The following RPH3A variants were observed in gnomAD, a reference collection of about 807,000 sequenced individuals.
RPH3A encodes the protein rabphilin 3A.
RPH3A carries 48 observed loss-of-function variants against 102.2 expected under a neutral mutation model. The observed-to-expected ratio is 0.47, with a 90% CI of 0.37 to 0.60. RPH3A has a LOEUF of 0.60. RPH3A is among the 20% of genes least tolerant of loss of function. RPH3A has a pLI of 0.00. For synonymous variants in RPH3A, 310 were observed against 324.3 expected, an observed-to-expected ratio of 0.96 and a Z score of 0.47; for missense variants, 781 against 910.1, an observed-to-expected ratio of 0.86 and a Z score of 1.83.
chr12:112,747,234 G>A (rs963705814), intron 1 of RPH3A, among the ~76,000 whole-genome samples: 3 of 152,120 alleles, frequency 2.0e-5, no homozygotes, highest in African/African-American at 7.2e-5. Context: ...CTTTTGGGAG[G>A]TGGTTAGGTC....
chr12:112,877,112 T>C (rs943514495), intron 13 of RPH3A, among the ~76,000 whole-genome samples: 1 of 152,162 alleles, frequency 6.6e-6, no homozygotes, highest in African/African-American at 2.4e-5. Flanking sequence ...ACATCAATGG[T>C]ACCATGTAAA....
At chr12:112,582,125 C>CT (rs2039405028) in intron 1 of RPH3A, among the ~76,000 whole-genome samples, 1 of 147,682 alleles carries the variant, frequency 6.8e-6, no homozygotes, top group Non-Finnish European at 1.5e-5. Context: ...TTTTCTTTGT[C>CT]TTTTTTTGAT....
At chr12:112,755,411 C>CTTTA (rs1343946649) in intron 1 of RPH3A, among the ~76,000 whole-genome samples, 13 of 151,650 alleles carry the variant, frequency 8.6e-5, no homozygotes, top group African/African-American at 3.2e-4. Context: ...GGCCCTAATC[C>CTTTA]TTTACTCTCT....
At chr12:112,821,697 T>A (rs934309652) in intron 2 of RPH3A, among the ~76,000 whole-genome samples, 3 of 152,216 alleles carry the variant, frequency 2.0e-5, no homozygotes, top group African/African-American at 7.2e-5. Context: ...CTTTTATTTT[T>A]CTCTAAAGCA....
chr12:112,835,335 C>T (rs554909905), intron 3 of RPH3A, among the ~76,000 whole-genome samples: 1 of 152,190 alleles, frequency 6.6e-6, no homozygotes. Flanking sequence ...TAAACAGTTG[C>T]CTGAAGGGTG....
chr12:112,673,787 T>C (rs972414480), intron 1 of RPH3A, among the ~76,000 whole-genome samples: 2 of 151,304 alleles, frequency 1.3e-5, no homozygotes, highest in African/African-American at 2.4e-5. Context: ...ATTCTTTCTA[T>C]TTTTTTTTGT....
chr12:112,767,284 G>C (rs2040896895), intron 1 of RPH3A, among the ~76,000 whole-genome samples: 1 of 152,104 alleles, frequency 6.6e-6, no homozygotes, highest in South Asian at 2.1e-4. Flanking sequence ...GGTCAGCTGT[G>C]GGGAGGGCAA....
At chr12:112,734,631 G>A (rs945200118) in intron 1 of RPH3A, among the ~76,000 whole-genome samples, 2 of 152,212 alleles carry the variant, frequency 1.3e-5, no homozygotes, top group African/African-American at 4.8e-5. Flanking sequence ...CTGGACTCAG[G>A]ATATTTATTT....
chr12:112,875,042 T>C (rs1269858774), intron 10 of RPH3A, 42 bp from the exon 11 acceptor site: 8 of 1,513,956 alleles, frequency 5.3e-6, no homozygotes, highest in Non-Finnish European at 7.2e-6. Context: ...TGTGTGTGTG[T>C]GTGTGACACA....
intron 1 of RPH3A, among the ~76,000 whole-genome samples, chr12:112,769,806 C>T (rs771303765): frequency 6.6e-6 from 1 of 152,126 alleles, no homozygotes; most frequent in Non-Finnish European, 1.5e-5. Context: ...TTTGTGATCA[C>T]ACAAGTAATA....
rs765118729 is a variant in RPH3A, at chr12:112,713,002, TTCC to T, written c.-139-79138_-139-79136del. On this transcript the variant is annotated intron_variant, in intron 1 of 21. Transcript: ENST00000543106. Reference sequence around the variant, plus strand: ...CTTCTTCGTCGTCTTTGTCTTCCTCTTCCTCTTCCTCTTCCTCTTCCTCTTCTT... The same window carrying T: ...CTTCTTCGTCGTCTTTGTCTTCCTCTTCTTCCTCTTCCTCTTCCTCTTCTT... Among the ~76,000 whole-genome samples the T allele has an allele frequency of 9.5e-4, 83 of 87,368 alleles. 5 individuals are homozygous for T. Among genetic ancestry groups the T allele is most frequent in the African/African-American group, 2.4e-3 (48 of 19,834 alleles). 57.3% of individuals were successfully genotyped at this position (87,368 alleles called of 152,430 possible). A position where few individuals can be genotyped will look rare whatever the true frequency, so the allele number is the denominator to read the frequency against.
intron 1 of RPH3A, among the ~76,000 whole-genome samples, chr12:112,633,680 A>G (rs2039824558): frequency 1.3e-5 from 2 of 152,298 alleles, no homozygotes; most frequent in Non-Finnish European, 2.9e-5. Context: ...TACATCACCT[A>G]GTTTCAAGTA....
At chr12:112,810,871 A>G (rs1455514578) in intron 2 of RPH3A, among the ~76,000 whole-genome samples, 1 of 152,184 alleles carries the variant, frequency 6.6e-6, no homozygotes, top group Non-Finnish European at 1.5e-5. Context: ...CTAGTACTGC[A>G]TACATTTGTA....
intron 2 of RPH3A, among the ~76,000 whole-genome samples, chr12:112,799,479 G>A (rs879835067): frequency 2.0e-5 from 3 of 152,266 alleles, no homozygotes; most frequent in Admixed American, 2.0e-4. Flanking sequence ...CCAAATGCTT[G>A]GAATTTTGTA....
At chr12:112,670,003 G>A (rs2040115989) in intron 1 of RPH3A, among the ~76,000 whole-genome samples, 1 of 152,100 alleles carries the variant, frequency 6.6e-6, no homozygotes, top group Non-Finnish European at 1.5e-5. Context: ...TAGTGTCCAT[G>A]TTTGATATAT....
Position 112,897,084 on chromosome 12 carries a change from A to T in RPH3A, c.*304A>T. 3.1e-6 allele frequency: 1 copy of T among 323,010 alleles called. No homozygotes were observed. Among genetic ancestry groups the T allele is most frequent in the Admixed American group, 4.0e-5 (1 of 25,250 alleles). The allele number at this position is 323,010 out of a possible 1,614,324, so 20.0% of individuals were successfully genotyped here. On this transcript the variant is annotated 3_prime_UTR_variant, in exon 22 of 22. Transcript: ENST00000389385. ...AATAACCTCTCAGTTTGGGTAAATT[A>T]CAAAGGTTCTTCATCATTTAGGACT...
intron 1 of RPH3A, among the ~76,000 whole-genome samples, chr12:112,642,133 G>A (rs2039895161): frequency 6.6e-6 from 1 of 152,118 alleles, no homozygotes; most frequent in South Asian, 2.1e-4. Context: ...CACCTTCTTT[G>A]TAAAAAACAA....
intron 4 of RPH3A, among the ~76,000 whole-genome samples, chr12:112,836,739 T>A (rs2042057843): frequency 6.6e-6 from 1 of 152,224 alleles, no homozygotes; most frequent in African/African-American, 2.4e-5. Context: ...AGATATTTCT[T>A]AGCCCTCAAT....
intron 1 of RPH3A, among the ~76,000 whole-genome samples, chr12:112,744,322 T>A (rs1257379589): frequency 6.6e-6 from 1 of 152,154 alleles, no homozygotes; most frequent in African/African-American, 2.4e-5. Context: ...GTGATCCACC[T>A]GCCTTGGCCT....
Sources: gnomAD v4.1 joint callset for allele counts (sites outside exome capture counted in the v4.1 genomes callset) on GRCh38, gnomAD v4.1.1 for gene constraint, MANE v1.5 for transcripts, NCBI Gene and HGNC (gene_info 2026-07-23, HGNC 2026-07-21) for gene names.